The following TJP2 variants were observed in gnomAD, a reference collection of about 807,000 sequenced individuals.
TJP2 encodes tight junction protein 2.
In TJP2, 91 loss-of-function variants were observed where a neutral mutation model predicts 133.1. That is an observed-to-expected ratio of 0.68 (90% CI 0.58 to 0.81). The LOEUF (loss-of-function observed/expected upper bound fraction) is 0.81, where lower values mean the gene tolerates loss of function less well. Ranked by LOEUF, TJP2 falls within the 40% of genes least tolerant of loss-of-function variation. The pLI is 0.00. For synonymous variants in TJP2, 592 were observed against 583.4 expected, an observed-to-expected ratio of 1.01 and a Z score of -0.21; for missense variants, 1,541 against 1,565.6, an observed-to-expected ratio of 0.98 and a Z score of 0.26.
chr9:69,221,329 A>G lies in TJP2; in HGVS notation c.785A>G (p.Glu262Gly), dbSNP rs1318875036. 3.8e-6 allele frequency: 6 copies of G among 1,598,324 alleles called. No homozygotes were observed. The South Asian group carries it at 6.7e-5, about 18-fold the overall frequency. Reference protein sequence around the residue: ...AYHRAYDPDYERAYSPEYRRG... With the variant: ...AYHRAYDPDYGRAYSPEYRRG... ...CACCGGGCCTACGACCCAGACTACG[A>G]GCGGGCCTACAGCCCGGAGTACAGG... Residue 262 changes from glutamate (E) to glycine (G), a missense_variant, in exon 5 of 23, where the codon GAG becomes GGG. By Grantham distance (98) the Glu-to-Gly change is moderately conservative (BLOSUM62 -2). Coordinates refer to ENST00000377245, the MANE Select transcript of TJP2 (RefSeq NM_004817.4).
At chr9:69,206,204 A>G (rs896292799) in intron 1 of TJP2, among the ~76,000 whole-genome samples, 19 of 152,182 alleles carry the variant, frequency 1.2e-4, no homozygotes, top group African/African-American at 3.9e-4. Flanking sequence ...AGGAAAGATG[A>G]TGAAAGCACA....
intron 1 of TJP2, among the ~76,000 whole-genome samples, chr9:69,135,467 G>A (rs1455772808): frequency 3.3e-5 from 5 of 152,108 alleles, no homozygotes; most frequent in Admixed American, 6.5e-5. Context: ...TTGAGGCAGA[G>A]TCTCGCTCTG....
chr9:69,129,305 GT>G (rs1360811665), intron 1 of TJP2, among the ~76,000 whole-genome samples: 1 of 152,116 alleles, frequency 6.6e-6, no homozygotes, highest in Non-Finnish European at 1.5e-5. Flanking sequence ...GAATCCAAGA[GT>G]TCGAGACCAG....
Position 69,239,992 on chromosome 9 carries a change from C to T in TJP2, c.2411C>T (p.Thr804Ile), listed in dbSNP as rs766829082. ...TPKAVDLLNY[T>I]QWFPIVIFFN... is the part of the protein sequence containing the mutation. The stretch of plus-strand genomic sequence containing the variant: ...AAAGCTGTGGACCTGTTGAATTACA[C>T]CCAGTGGTTCCCAATTGTGATTTTT... The change falls in exon 17 of 23, where the codon ACC becomes ATC. Residue 804 changes from threonine (T) to isoleucine (I), a missense_variant. Transcript: ENST00000377245. 7 of 1,614,044 alleles carry T rather than the reference C, an allele frequency of 4.3e-6. No homozygotes were observed. Among genetic ancestry groups the T allele is most frequent in the East Asian group, 2.2e-5 (1 of 44,890 alleles).
Position 69,200,304 on chromosome 9 carries a change from T to C in TJP2, c.61-12244T>C, listed in dbSNP as rs1477994163. On this transcript the variant is annotated intron_variant, in intron 1 of 22. Coordinates refer to ENST00000377245, the MANE Select transcript of TJP2 (RefSeq NM_004817.4). ...TGTGGGAGAGGGAGCCTCCCTGTGG[T>C]TGGGACATACCTCCCTCCACCCCAG... Among the ~76,000 whole-genome samples the C allele has an allele frequency of 2.0e-5, 3 of 152,306 alleles. No homozygotes were observed. The South Asian group carries it at 6.2e-4, about 32-fold the overall frequency.
chr9:69,206,990 C>T (rs965759366), intron 1 of TJP2, among the ~76,000 whole-genome samples: 1 of 152,216 alleles, frequency 6.6e-6, no homozygotes, highest in Non-Finnish European at 1.5e-5. Context: ...CACATATCTG[C>T]AGACCATCAC....
At chr9:69,230,253 T>C (rs781398235) in intron 11 of TJP2, 21 bp downstream of exon 11, 1 of 1,613,896 alleles carries the variant, frequency 6.2e-7, no homozygotes, top group South Asian at 1.1e-5. Context: ...CCCAGCTCTG[T>C]TTCTAGAAGT....
intron 2 of TJP2, among the ~76,000 whole-genome samples, chr9:69,165,995 G>A (rs1824331675): frequency 6.6e-6 from 1 of 152,160 alleles, no homozygotes; most frequent in South Asian, 2.1e-4. Context: ...TCTGCATGTG[G>A]TCAGCCTAGA....
At chr9:69,162,468 CATT>C (rs1185973461) in intron 2 of TJP2, among the ~76,000 whole-genome samples, 1 of 152,140 alleles carries the variant, frequency 6.6e-6, no homozygotes, top group Non-Finnish European at 1.5e-5. Context: ...CTTATTTCCT[CATT>C]ATCTATGCTA....
At chr9:69,176,087 T>C (rs551996756) in intron 1 of TJP2, among the ~76,000 whole-genome samples, 1 of 152,324 alleles carries the variant, frequency 6.6e-6, no homozygotes, top group East Asian at 1.9e-4. Flanking sequence ...GGAGGGAATG[T>C]ATGATGCCGA....
intron 20 of TJP2, 94 bp from the exon 21 acceptor site, chr9:69,250,941 A>C: frequency 7.9e-7 from 1 of 1,272,104 alleles, no homozygotes; most frequent in Non-Finnish European, 1.1e-6. Context: ...CACCTTTGGA[A>C]ACTGATCAGG....
intron 2 of TJP2, among the ~76,000 whole-genome samples, chr9:69,154,653 G>A (rs1823650161): frequency 6.6e-6 from 1 of 151,192 alleles, no homozygotes; most frequent in Non-Finnish European, 1.5e-5. Flanking sequence ...GGCCAGGCAT[G>A]GTGGTTCGCA....
rs568201546 is a variant in TJP2, at chr9:69,159,666, C to G, written c.-10+7895C>G. ...GGCCAAGGTGGGCATATCAAGAGGT[C>G]AGGAGATCGAGACCATCCTGGCTAA... On this transcript the variant is annotated intron_variant, in intron 2 of 5. Coordinates refer to the TJP2 transcript ENST00000423935. Among the ~76,000 whole-genome samples the G allele has an allele frequency of 1.6e-4, 24 of 152,096 alleles. No homozygotes were observed. In the South Asian group the frequency reaches 4.6e-3, roughly 29 times the overall value.
chr9:69,237,278 A>G (rs946609328), intron 14 of TJP2, 142 bp downstream of exon 14: 1 of 1,020,116 alleles, frequency 9.8e-7, no homozygotes, highest in Non-Finnish European at 1.5e-6. Context: ...ATCAAATTCT[A>G]ACAAGGAGCA....
chr9:69,241,477 T>G (rs990783739), intron 17 of TJP2, among the ~76,000 whole-genome samples: 1 of 152,200 alleles, frequency 6.6e-6, no homozygotes, highest in African/African-American at 2.4e-5. Context: ...TGTGTTCACA[T>G]TAGATGCTTG....
chr9:69,245,545 A>T (rs1830863098), intron 17 of TJP2, among the ~76,000 whole-genome samples: 1 of 152,100 alleles, frequency 6.6e-6, no homozygotes, highest in African/African-American at 2.4e-5. Flanking sequence ...CTGTGCTCTA[A>T]ATTTCTGTTT....
chr9:69,163,494 G>C (rs1387784485), intron 2 of TJP2, among the ~76,000 whole-genome samples: 2 of 152,038 alleles, frequency 1.3e-5, no homozygotes, highest in Non-Finnish European at 2.9e-5. Context: ...AAATTAGCTG[G>C]GCATGGTGGT....
In TJP2 at chr9:69,237,831, C is replaced by T. The variant is rs73450889; in HGVS notation, c.2180-47C>T. On this transcript the variant is annotated intron_variant, in intron 14 of 22. Transcript: ENST00000377245. ...ACAATACTTTTACTGCTTATCATAA[C>T]AGCTAGGCAAGTGTGTATGCTTTAA... The T allele has an allele frequency of 6.9e-3, 9,147 of 1,334,876 alleles. 284 individuals are homozygous for T. The African/African-American group carries it at 0.086, about 13-fold the overall frequency. 82.7% of individuals were successfully genotyped at this position (1,334,876 alleles called of 1,614,324 possible). A position where few individuals can be genotyped will look rare whatever the true frequency, so the allele number is the denominator to read the frequency against.
intron 1 of TJP2, among the ~76,000 whole-genome samples, chr9:69,122,497 C>T (rs118055398): frequency 0.046 from 6,985 of 152,280 alleles, 255 homozygotes; most frequent in Non-Finnish European, 0.061. Flanking sequence ...TTTTCACTTT[C>T]TGACCCATTT....
Sources: gnomAD v4.1 joint callset for allele counts (sites outside exome capture counted in the v4.1 genomes callset) on GRCh38, gnomAD v4.1.1 for gene constraint, MANE v1.5 for transcripts, NCBI Gene and HGNC (gene_info 2026-07-23, HGNC 2026-07-21) for gene names.